MRE11: variants seen among roughly 807,000 people sequenced by gnomAD.
MRE11 encodes the protein MRE11 double strand break repair nuclease.
In MRE11, 62 loss-of-function variants were observed where a neutral mutation model predicts 91.7. That is an observed-to-expected ratio of 0.68 (90% CI 0.55 to 0.84). The LOEUF (loss-of-function observed/expected upper bound fraction) is 0.84, where lower values mean the gene tolerates loss of function less well. MRE11 is among the 40% of genes least tolerant of loss of function. The pLI, the probability that MRE11 is intolerant of heterozygous loss-of-function variation, is 0.00. For missense variants in MRE11, 796 were observed against 852.9 expected, an observed-to-expected ratio of 0.93 and a Z score of 0.83; for synonymous variants, 273 against 271.4, an observed-to-expected ratio of 1.01 and a Z score of -0.06.
the MRE11 span, among the ~76,000 whole-genome samples, chr11:94,509,795 T>A: frequency 2.6e-5 from 4 of 152,194 alleles, no homozygotes; most frequent in African/African-American, 9.7e-5. Flanking sequence ...ATTTCTTCCT[T>A]TTTTATTTTT....
chr11:94,441,948 A>G (rs1237535465), intron 16 of MRE11, among the ~76,000 whole-genome samples: 1 of 145,370 alleles, frequency 6.9e-6, no homozygotes, highest in Non-Finnish European at 1.5e-5. Flanking sequence ...ACTGCATTCC[A>G]GCCTAGGCGA....
chr11:94,448,027 C>T (rs1257592161), intron 14 of MRE11, among the ~76,000 whole-genome samples: 4 of 151,952 alleles, frequency 2.6e-5, no homozygotes, highest in South Asian at 4.2e-4. Flanking sequence ...GGAATACTGG[C>T]AATCATCCCT....
chr11:94,485,878 T>C (rs1442431731), intron 4 of MRE11, 46 bp downstream of exon 4: 3 of 1,572,300 alleles, frequency 1.9e-6, no homozygotes, highest in Non-Finnish European at 2.6e-6. Context: ...ATACAGCAAA[T>C]ACCATACACA....
intron 14 of MRE11, among the ~76,000 whole-genome samples, chr11:94,450,803 A>G (rs1946079405): frequency 6.6e-6 from 1 of 152,208 alleles, no homozygotes. Flanking sequence ...AATAAAGCCT[A>G]TCCAAGTATT....
intron 18 of MRE11, among the ~76,000 whole-genome samples, chr11:94,431,152 A>T (rs1945453615): frequency 6.6e-6 from 1 of 152,200 alleles, no homozygotes; most frequent in Admixed American, 6.5e-5. Flanking sequence ...CAAAGGTTTT[A>T]TCTGGAAAAA....
chr11:94,427,191 T>C (rs543352327), intron 19 of MRE11, among the ~76,000 whole-genome samples: 1 of 152,156 alleles, frequency 6.6e-6, no homozygotes, highest in South Asian at 2.1e-4. Context: ...AAAGTTAATA[T>C]ACCATGATCA....
At chr11:94,445,548 T>A (rs774203637) in intron 16 of MRE11, among the ~76,000 whole-genome samples, 9 of 152,226 alleles carry the variant, frequency 5.9e-5, no homozygotes. Flanking sequence ...GACCTCGTGA[T>A]CTGCCTGTCT....
In MRE11 at chr11:94,492,875, GA is replaced by G; in HGVS notation, c.-75del. On this transcript the variant is annotated 5_prime_UTR_variant, in exon 2 of 20. Coordinates refer to ENST00000323929, the MANE Select transcript of MRE11 (RefSeq NM_005591.4). ...CCCTGGGTACTGTACTCAAATGTCAGAAAATGCACTCGATTCCAAATTCTAG... is the reference window on the plus strand; with the variant it reads ...CCCTGGGTACTGTACTCAAATGTCAGAAATGCACTCGATTCCAAATTCTAG... 3 of 1,356,108 alleles carry G rather than the reference GA, an allele frequency of 2.2e-6. No individual in the cohort carries two copies. The South Asian group carries it at 3.7e-5, about 17-fold the overall frequency. The allele number at this position is 1,356,108 out of a possible 1,614,324, so 84.0% of individuals were successfully genotyped here. A position where few individuals can be genotyped will look rare whatever the true frequency, so the allele number is the denominator to read the frequency against.
the MRE11 span, among the ~76,000 whole-genome samples, chr11:94,509,844 C>A: frequency 6.6e-6 from 1 of 152,154 alleles, no homozygotes; most frequent in Non-Finnish European, 1.5e-5. Flanking sequence ...TTTAAACAAC[C>A]TTGCATTCCT....
intron 14 of MRE11, among the ~76,000 whole-genome samples, chr11:94,449,327 AAAC>A (rs1946030485): frequency 6.6e-6 from 1 of 152,226 alleles, no homozygotes; most frequent in East Asian, 1.9e-4. Flanking sequence ...AAAATATAAG[AAAC>A]AACAGTGATT....
intron 14 of MRE11, among the ~76,000 whole-genome samples, chr11:94,453,742 G>A (rs1350005937): frequency 1.3e-5 from 2 of 152,080 alleles, no homozygotes; most frequent in Non-Finnish European, 2.9e-5. Flanking sequence ...TGTATGATTT[G>A]CAAATATTTT....
Position 94,441,977 on chromosome 11 carries a change from CAAAAAAAAAAA to C in MRE11, c.1867+3822_1867+3832del, listed in dbSNP as rs35673778. Among the ~76,000 whole-genome samples the C allele has an allele frequency of 3.5e-4, 17 of 48,200 alleles. No individual in the cohort carries two copies. In the East Asian group the frequency reaches 6.3e-3, roughly 18 times the overall value. The allele number at this position is 48,200 out of a possible 152,430, so 31.6% of individuals were successfully genotyped here. On this transcript the variant is annotated intron_variant, in intron 16 of 19. Transcript: ENST00000323929. ...TAGGCGACAGAGAGAGACTCTGTCT[CAAAAAAAAAAA>C]AAAAAAAAAAAAGTGATCAGAAATA... is the stretch of plus-strand genomic sequence containing the variant.
chr11:94,485,070 G>C (rs560224563), intron 4 of MRE11, among the ~76,000 whole-genome samples: 1 of 152,104 alleles, frequency 6.6e-6, no homozygotes, highest in Admixed American at 6.6e-5. Context: ...AAAATTTGCC[G>C]GGCGTGGTGA....
Position 94,419,693 on chromosome 11 carries a change from AC to A in MRE11, c.*431del, listed in dbSNP as rs1945118506. On this transcript the variant is annotated 3_prime_UTR_variant, in exon 20 of 20. Coordinates refer to ENST00000323929, the MANE Select transcript of MRE11 (RefSeq NM_005591.4). The stretch of plus-strand genomic sequence containing the variant: ...GTCTTATAAGAAGCATTGGAAAAAA[AC>A]ATACATAGTAACAAACAGTGAATTT... 1 of 237,042 alleles carries A rather than the reference AC, an allele frequency of 4.2e-6. No homozygotes were observed. Among genetic ancestry groups the A allele is most frequent in the South Asian group, 1.7e-4 (1 of 5,902 alleles). The allele number at this position is 237,042 out of a possible 1,614,324, so 14.7% of individuals were successfully genotyped here.
At chr11:94,441,527 C>G (rs1945777814) in intron 16 of MRE11, among the ~76,000 whole-genome samples, 1 of 152,150 alleles carries the variant, frequency 6.6e-6, no homozygotes. Flanking sequence ...CCCACAGAAA[C>G]AGACAACAGA....
In MRE11 at chr11:94,479,603, C is replaced by T. The variant is rs542117419; in HGVS notation, c.402+71G>A. 169 of 1,313,936 alleles carry T rather than the reference C, an allele frequency of 1.3e-4. 1 individual carries two copies. In the African/African-American group the frequency reaches 2.3e-3, roughly 18 times the overall value. The allele number at this position is 1,313,936 out of a possible 1,614,324, so 81.4% of individuals were successfully genotyped here. The stretch of plus-strand genomic sequence containing the variant: ...ACTACACAATGAGAAAAAGGGAAGG[C>T]ATGCTTTCCACAGACAAACTAAACT... On this transcript the variant is annotated intron_variant, in intron 5 of 19. Transcript: ENST00000323929.
At chr11:94,506,930 A>G in the MRE11 span, among the ~76,000 whole-genome samples, 1 of 152,130 alleles carries the variant, frequency 6.6e-6, no homozygotes, top group Non-Finnish European at 1.5e-5. Flanking sequence ...AATTTGATCA[A>G]ATAAACCACA....
At chr11:94,424,328 T>C (rs572397179) in intron 19 of MRE11, among the ~76,000 whole-genome samples, 1 of 152,296 alleles carries the variant, frequency 6.6e-6, no homozygotes, top group South Asian at 2.1e-4. Flanking sequence ...GCTGTGGCCC[T>C]CTGAAAGCAC....
At chr11:94,481,608 A>G (rs1480759546) in intron 4 of MRE11, among the ~76,000 whole-genome samples, 2 of 152,326 alleles carry the variant, frequency 1.3e-5, no homozygotes, top group East Asian at 1.9e-4. Flanking sequence ...CTAGATTTTT[A>G]AAATATGTGT....
Sources: allele counts gnomAD v4.1 joint callset (sites outside exome capture counted in the v4.1 genomes callset), GRCh38; gene constraint gnomAD v4.1.1; transcripts MANE v1.5; gene names NCBI Gene and HGNC (gene_info 2026-07-23, HGNC 2026-07-21).